ZKSCAN4: variants seen among roughly 807,000 people sequenced by gnomAD.
The protein encoded by ZKSCAN4 is zinc finger with KRAB and SCAN domains 4, also known as zinc finger protein with KRAB and SCAN domains 4.
A neutral mutation model predicts 30.8 loss-of-function variants in ZKSCAN4; 23 were observed. That is an observed-to-expected ratio of 0.75 (90% CI 0.54 to 1.06). The LOEUF is 1.06. Among genes scored for constraint, ZKSCAN4 ranks in the 50% least tolerant of loss-of-function variants. The probability of loss-of-function intolerance (pLI) is 0.00; values close to 1 mark genes in which losing one functional copy is unlikely to be tolerated. For synonymous variants in ZKSCAN4, 208 were observed against 252.5 expected (o/e 0.82, Z 1.67); for missense variants, 556 against 665.4 (o/e 0.84, Z 1.81).
upstream of ZKSCAN4, among the ~76,000 whole-genome samples, chr6:28,252,463 C>G (rs1761049961): frequency 1.3e-5 from 2 of 152,032 alleles, no homozygotes; most frequent in Non-Finnish European, 2.9e-5. Context: ...CCTTTAAATC[C>G]TGGAAGGATG....
rs1037032273 is a variant in ZKSCAN4, at chr6:28,244,461, A to G, written c.*655T>C. Among the ~76,000 whole-genome samples, 1 of 152,182 alleles carries G rather than the reference A, an allele frequency of 6.6e-6. No homozygotes were observed. Among genetic ancestry groups the G allele is most frequent in the Non-Finnish European group, 1.5e-5 (1 of 68,024 alleles). On this transcript the variant is annotated 3_prime_UTR_variant, in exon 5 of 5. Transcript: ENST00000377294. ...TGTTTAAGGCATTCTTCTCATCTCT[A>G]CTATCATGGTAGAGAAATATGGATT...
At chr6:28,258,220 C>G in the ZKSCAN4 span, among the ~76,000 whole-genome samples, 1 of 152,294 alleles carries the variant, frequency 6.6e-6, no homozygotes, top group East Asian at 1.9e-4. Flanking sequence ...ACCTGGCTGT[C>G]AAACAACTGA....
chr6:28,249,772 A>G lies in ZKSCAN4; in HGVS notation c.486T>C (p.Thr162=). The part of the protein sequence containing the change: ...LCCKMALLTQ[T]QGSQSSQCQP... Reference sequence around the variant, plus strand: ...GGCACTGGCTACTTTGAGACCCTTGAGTTTGTGTCAATAGTGCCATCTTGC... The same window carrying G: ...GGCACTGGCTACTTTGAGACCCTTGGGTTTGTGTCAATAGTGCCATCTTGC... Residue 162 remains threonine, a synonymous_variant, in exon 2 of 5, where the codon ACT becomes ACC. Coordinates refer to ENST00000377294, the MANE Select transcript of ZKSCAN4 (RefSeq NM_019110.5). This position sits in a 1 kb window ranked among gnomAD's most constrained non-coding sequence, Gnocchi z 4.1. The G allele has an allele frequency of 6.2e-7, 1 of 1,614,130 alleles. No homozygotes were observed.
rs1022694134 is a variant in ZKSCAN4, at chr6:28,244,205, G to A, written c.*911C>T. Among the ~76,000 whole-genome samples the A allele has an allele frequency of 3.3e-5, 5 of 152,060 alleles. No individual in the cohort carries two copies. Among genetic ancestry groups the A allele is most frequent in the Non-Finnish European group, 7.4e-5 (5 of 68,022 alleles). On this transcript the variant is annotated 3_prime_UTR_variant, in exon 5 of 5. Coordinates refer to ENST00000377294, the MANE Select transcript of ZKSCAN4 (RefSeq NM_019110.5). ...ACAGATGACGTCTTAGCACTTGGTCGGCCCAAGATAACTAAAAGGTAAGAA... is the reference window on the plus strand; with the variant it reads ...ACAGATGACGTCTTAGCACTTGGTCAGCCCAAGATAACTAAAAGGTAAGAA...
chr6:28,246,142 G>A, intron 4 of ZKSCAN4, 167 bp from the exon 5 acceptor site: 1 of 883,574 alleles, frequency 1.1e-6, no homozygotes. Context: ...GGGGTGCTGG[G>A]GAGGAAGGAG....
rs1001695204 is a variant in ZKSCAN4, at chr6:28,249,895, T to C, written c.424-61A>G. ...TTCTATGTTTTCCATGTGCAAGTGA[T>C]TTCTATTTTCTAGGCACTGTTTCTA... On this transcript the variant is annotated intron_variant, in intron 1 of 4. Transcript: ENST00000377294. This position sits in a 1 kb window ranked among gnomAD's most constrained non-coding sequence, Gnocchi z 4.1. The C allele has an allele frequency of 9.5e-6, 15 of 1,578,570 alleles. No homozygotes were observed. The highest frequency in any genetic ancestry group is 1.3e-5 in the Non-Finnish European group (15 of 1,154,194).
At position 28,245,479 on chromosome 6, in the gene ZKSCAN4, A is replaced by G; in HGVS notation, c.1275T>C (p.Ile425=). The G allele has an allele frequency of 1.2e-6, 2 of 1,614,068 alleles. No individual in the cohort carries two copies. The highest frequency in any genetic ancestry group is 1.7e-6 in the Non-Finnish European group (2 of 1,180,000). The stretch of plus-strand genomic sequence containing the variant: ...ACTGGTATGGCTTCTCCCCAGTATG[A>G]ATTTTGTGATGTTCAAGGAGGCTGC... ...QSCSLLEHHK[I]HTGEKPYQCN... is the part of the protein sequence containing the mutation. Residue 425 remains isoleucine, a synonymous_variant, in exon 5 of 5, where the codon ATT becomes ATC. Transcript: ENST00000377294.
chr6:28,244,698 G>A lies in ZKSCAN4; in HGVS notation c.*418C>T. On this transcript the variant is annotated 3_prime_UTR_variant, in exon 5 of 5. Coordinates refer to ENST00000377294, the MANE Select transcript of ZKSCAN4 (RefSeq NM_019110.5). ...TAGCACCTATCATACAAGGCACAAA[G>A]AAGAGTAAAAGACCTCATGGATCTG... The A allele has an allele frequency of 4.3e-6, 1 of 230,172 alleles. No individual in the cohort carries two copies. The highest frequency in any genetic ancestry group is 6.6e-5 in the South Asian group (1 of 15,046). The allele number at this position is 230,172 out of a possible 1,614,324, so 14.3% of individuals were successfully genotyped here.
Position 28,242,870 on chromosome 6 carries a change from T to C in ZKSCAN4, c.*2246A>G, listed in dbSNP as rs1760546045. 6.6e-6 allele frequency among the ~76,000 whole-genome samples: 1 copy of C among 152,238 alleles called. No individual in the cohort carries two copies. Among genetic ancestry groups the C allele is most frequent in the Admixed American group, 6.5e-5 (1 of 15,280 alleles). On this transcript the variant is annotated 3_prime_UTR_variant, in exon 5 of 5. Transcript: ENST00000377294. ...TTCCCTCCTCTACAGAGAAGACTTTTAGGCTTGGAGGCGCAGGAGTGAAAG... is the reference window on the plus strand; with the variant it reads ...TTCCCTCCTCTACAGAGAAGACTTTCAGGCTTGGAGGCGCAGGAGTGAAAG...
chr6:28,244,291 CAGT>C lies in ZKSCAN4; in HGVS notation c.*822_*824del, dbSNP rs1337389797. On this transcript the variant is annotated 3_prime_UTR_variant, in exon 5 of 5. Coordinates refer to ENST00000377294, the MANE Select transcript of ZKSCAN4 (RefSeq NM_019110.5). ...TCATAATAATCATTTTGATCTAACT[CAGT>C]AAGTTGATTTTTATTTACCTGAATG... 6.6e-6 allele frequency among the ~76,000 whole-genome samples: 1 copy of C among 151,010 alleles called. No homozygotes were observed. The highest frequency in any genetic ancestry group is 2.4e-5 in the African/African-American group (1 of 41,270).
At position 28,242,330 on chromosome 6, in the gene ZKSCAN4, C is replaced by A. The variant is rs1760523809; in HGVS notation, c.*2786G>T. ...AATTCAGCTATTTATAAACACATAC[C>A]ACTGTTTTATAGAAAAGTGGAGTAT... On this transcript the variant is annotated 3_prime_UTR_variant, in exon 5 of 5. Coordinates refer to ENST00000377294, the MANE Select transcript of ZKSCAN4 (RefSeq NM_019110.5). 6.6e-6 allele frequency among the ~76,000 whole-genome samples: 1 copy of A among 151,960 alleles called. No homozygotes were observed. The highest frequency in any genetic ancestry group is 2.4e-5 in the African/African-American group (1 of 41,358).
Position 28,242,555 on chromosome 6 carries a change from G to C in ZKSCAN4, c.*2561C>G, listed in dbSNP as rs1278406883. The stretch of plus-strand genomic sequence containing the variant: ...TGCTTTATTTACTCAATTGGACAAA[G>C]TTGTTGTGAGTCCATTCAGCTTTCT... On this transcript the variant is annotated 3_prime_UTR_variant, in exon 5 of 5. Transcript: ENST00000377294. 6.6e-6 allele frequency among the ~76,000 whole-genome samples: 1 copy of C among 152,200 alleles called. No homozygotes were observed. Among genetic ancestry groups the C allele is most frequent in the Non-Finnish European group, 1.5e-5 (1 of 68,026 alleles).
At chr6:28,246,067 G>A (rs781304983) in intron 4 of ZKSCAN4, 92 bp from the exon 5 acceptor site, 32 of 1,515,926 alleles carry the variant, frequency 2.1e-5, no homozygotes, top group Non-Finnish European at 2.1e-5. Flanking sequence ...AATTACAGAA[G>A]TCTATATATG....
chr6:28,252,117 C>G lies in ZKSCAN4; in HGVS notation c.-137G>C. 2.2e-6 allele frequency: 2 copies of G among 903,586 alleles called. No individual in the cohort carries two copies. The highest frequency in any genetic ancestry group is 3.3e-6 in the Non-Finnish European group (2 of 607,982). The allele number at this position is 903,586 out of a possible 1,614,324, so 56.0% of individuals were successfully genotyped here. A position where few individuals can be genotyped will look rare whatever the true frequency, so the allele number is the denominator to read the frequency against. ...TCATGCCCAGGGGCCCAGGACACCC[C>G]CTGAGGCGCAGCTGCACAGATCTCT... On this transcript the variant is annotated 5_prime_UTR_variant, in exon 1 of 5. Coordinates refer to ENST00000377294, the MANE Select transcript of ZKSCAN4 (RefSeq NM_019110.5).
At chr6:28,258,679 G>A in the ZKSCAN4 span, among the ~76,000 whole-genome samples, 9 of 151,344 alleles carry the variant, frequency 5.9e-5, no homozygotes. Flanking sequence ...TCCTCGGGAG[G>A]ATCTCTTGAA....
rs199868712 is a variant in ZKSCAN4 at position 28,251,626 on chromosome 6, C to G, written c.355G>C (p.Glu119Gln). 1.6e-5 allele frequency: 26 copies of G among 1,614,098 alleles called. No individual in the cohort carries two copies. The highest frequency in any genetic ancestry group is 1.1e-5 in the Non-Finnish European group (13 of 1,180,032). ...AGCACCACCACCTCCTCCCCGCTCT[C>G]TGGATGCTGCTCCCGCACCCAGCTC... ...LQSWVREQHP[E>Q]SGEEVVVLLE... Residue 119 changes from glutamate (E) to glutamine (Q), a missense_variant, in exon 1 of 5, where the codon GAG becomes CAG. Physicochemically the swap from Glu to Gln is conservative, Grantham distance 29. Around this residue, in one of 3 missense-constraint regions of ZKSCAN4, gnomAD observed 433 missense variants for 511.5 expected, o/e 0.85. Coordinates refer to ENST00000377294, the MANE Select transcript of ZKSCAN4 (RefSeq NM_019110.5). The surrounding 1 kb of genome is among the most constrained non-coding windows in gnomAD (Gnocchi z 4.5).
rs531050143 is a variant in ZKSCAN4, at chr6:28,247,050, C to T, written c.697G>A (p.Gly233Arg). The change falls in exon 4 of 5, where the codon GGG becomes AGG. Residue 233 changes from glycine (G) to arginine (R), a missense_variant. By Grantham distance (125) the Gly-to-Arg change is moderately radical. This residue lies in a region of ZKSCAN4 where 433 missense variants were observed against 511.5 expected (regional missense o/e 0.85). Transcript: ENST00000377294. The stretch of plus-strand genomic sequence containing the variant: ...TGAGATGAATCCAGCTGTGTCCACC[C>T]AGGAGTGAGGGTCAGGGCCACATCT... ...MEDVALTLTP[G>R]WTQLDSSQVN... 2 of 1,612,800 alleles carry T rather than the reference C, an allele frequency of 1.2e-6. No homozygotes were observed. The highest frequency in any genetic ancestry group is 1.1e-5 in the South Asian group (1 of 90,696).
chr6:28,255,491 T>G (rs1361823499), upstream of ZKSCAN4, among the ~76,000 whole-genome samples: 1 of 152,236 alleles, frequency 6.6e-6, no homozygotes, highest in Non-Finnish European at 1.5e-5. Context: ...TTTAACCTTG[T>G]CATAAATGAC....
chr6:28,251,664 G>A lies in ZKSCAN4; in HGVS notation c.317C>T (p.Pro106Leu), dbSNP rs1761001655. 2 of 1,614,162 alleles carry A rather than the reference G, an allele frequency of 1.2e-6. No homozygotes were observed. The highest frequency in any genetic ancestry group is 1.7e-6 in the Non-Finnish European group (2 of 1,180,026). Residue 106 changes from proline to leucine, a missense_variant, in exon 1 of 5, where the codon CCG (proline) becomes CTG (leucine). This residue lies in a region of ZKSCAN4 where 8 missense variants were observed against 28.0 expected (regional missense o/e 0.29). Coordinates refer to ENST00000377294, the MANE Select transcript of ZKSCAN4 (RefSeq NM_019110.5). The surrounding 1 kb of genome is among the most constrained non-coding windows in gnomAD (Gnocchi z 4.5). ...LVLEQFLTILPGNLQSWVREQ... is the reference protein window; with the variant it reads ...LVLEQFLTILLGNLQSWVREQ... ...CCGCACCCAGCTCTGCAGATTCCCC[G>A]GCAGGATGGTCAGGAACTGCTCCAG...
Sources: gnomAD v4.1 joint callset for allele counts (sites outside exome capture counted in the v4.1 genomes callset) on GRCh38, gnomAD v4.1.1 for gene constraint, gnomAD v4.1.1 regional missense constraint, Gnocchi (gnomAD v3.1) non-coding constraint, MANE v1.5 for transcripts, NCBI Gene and HGNC (gene_info 2026-07-23, HGNC 2026-07-21) for gene names.